Variants in LSAMP observed in about 807,000 individuals in gnomAD.
LSAMP encodes limbic system-associated membrane protein.
In LSAMP, 7 loss-of-function variants were observed where a neutral mutation model predicts 38.6. The ratio of observed to expected loss-of-function variants is 0.18; its 90% CI spans 0.10 to 0.34. LSAMP has a LOEUF of 0.34. Among genes scored for constraint, LSAMP ranks in the 10% least tolerant of loss-of-function variants. The probability of loss-of-function intolerance (pLI) is 1.00; values close to 1 mark genes in which losing one functional copy is unlikely to be tolerated. For missense variants in LSAMP, 313 were observed against 420.0 expected, an observed-to-expected ratio of 0.75 and a Z score of 2.23; for synonymous variants, 154 against 166.8, an observed-to-expected ratio of 0.92 and a Z score of 0.59.
intron 1 of LSAMP, among the ~76,000 whole-genome samples, chr3:116,349,985 A>G (rs2048115264): frequency 6.6e-6 from 1 of 152,092 alleles, no homozygotes; most frequent in Non-Finnish European, 1.5e-5. Context: ...AATGTATTAC[A>G]TTTAATTACT....
chr3:116,040,804 C>A (rs1044731447), intron 2 of LSAMP, among the ~76,000 whole-genome samples: 2 of 152,180 alleles, frequency 1.3e-5, no homozygotes, highest in Non-Finnish European at 2.9e-5. Context: ...GGCTGAAGTG[C>A]AGTGGCTCAT....
Position 116,209,911 on chromosome 3 carries a change from C to T in LSAMP, c.156-123355G>A, listed in dbSNP as rs183695224. Among the ~76,000 whole-genome samples, 301 of 152,048 alleles carry T rather than the reference C, an allele frequency of 2.0e-3. 1 individual carries two copies. The highest frequency in any genetic ancestry group is 5.4e-3 in the African/African-American group (223 of 41,432). On this transcript the variant is annotated intron_variant, in intron 1 of 6. Transcript: ENST00000490035. Reference sequence around the variant, plus strand: ...GACTACAGGCATCCGCCACCTCGCCCGGCAAAATTTTTTTTTGTATATTTA... The same window carrying T: ...GACTACAGGCATCCGCCACCTCGCCTGGCAAAATTTTTTTTTGTATATTTA...
intron 1 of LSAMP, among the ~76,000 whole-genome samples, chr3:116,426,863 G>A (rs1381541895): frequency 6.7e-6 from 1 of 150,274 alleles, no homozygotes; most frequent in Admixed American, 6.7e-5. Flanking sequence ...ATGGGGGAGT[G>A]TAATTATTAT....
At chr3:116,172,160 A>G (rs1490629299) in intron 1 of LSAMP, among the ~76,000 whole-genome samples, 12 of 151,998 alleles carry the variant, frequency 7.9e-5, no homozygotes. Context: ...CATGTCAGGT[A>G]CTGAGTAAGT....
intron 3 of LSAMP, among the ~76,000 whole-genome samples, chr3:115,931,469 G>A (rs575441500): frequency 1.3e-5 from 2 of 152,108 alleles, no homozygotes. Context: ...CAGGGGGTTG[G>A]ATCAAAGTGG....
At chr3:116,207,708 T>C (rs1322221259) in intron 1 of LSAMP, among the ~76,000 whole-genome samples, 5 of 151,530 alleles carry the variant, frequency 3.3e-5, no homozygotes, top group African/African-American at 4.8e-5. Flanking sequence ...AAAATTCTTT[T>C]CTTTAAGAAT....
At chr3:116,146,186 G>A (rs1709486362) in intron 1 of LSAMP, among the ~76,000 whole-genome samples, 1 of 151,774 alleles carries the variant, frequency 6.6e-6, no homozygotes, top group Non-Finnish European at 1.5e-5. Context: ...GACTCTTCCT[G>A]CTTTCTGATC....
chr3:115,876,296 A>C (rs1243615215), intron 3 of LSAMP, among the ~76,000 whole-genome samples: 1 of 119,750 alleles, frequency 8.4e-6, no homozygotes, highest in Non-Finnish European at 1.8e-5. Context: ...TTTTTTTTTT[A>C]AGGCTACAAA....
At chr3:116,217,371 T>C (rs2046233120) in intron 1 of LSAMP, among the ~76,000 whole-genome samples, 1 of 152,220 alleles carries the variant, frequency 6.6e-6, no homozygotes, top group Non-Finnish European at 1.5e-5. Flanking sequence ...AACATATATC[T>C]GGACTCAAAT....
intron 1 of LSAMP, among the ~76,000 whole-genome samples, chr3:116,249,620 G>A (rs189683519): frequency 5.5e-4 from 84 of 151,908 alleles, no homozygotes; most frequent in Middle Eastern, 6.8e-3. Flanking sequence ...TCCTGACCTC[G>A]TGATCCGCCC....
chr3:116,086,012 A>G (rs1707981197), intron 2 of LSAMP, among the ~76,000 whole-genome samples: 1 of 152,206 alleles, frequency 6.6e-6, no homozygotes, highest in South Asian at 2.1e-4. Context: ...GGCCCTAGGC[A>G]TTCTGTGTGT....
At chr3:116,012,692 A>T (rs1940365361) in intron 3 of LSAMP, among the ~76,000 whole-genome samples, 1 of 152,174 alleles carries the variant, frequency 6.6e-6, no homozygotes, top group Non-Finnish European at 1.5e-5. Flanking sequence ...ATTGTGCTGG[A>T]ATGAAGGATA....
intron 1 of LSAMP, among the ~76,000 whole-genome samples, chr3:116,337,990 A>C (rs536743467): frequency 6.6e-6 from 1 of 152,166 alleles, no homozygotes; most frequent in South Asian, 2.1e-4. Flanking sequence ...ACCCAAGAGG[A>C]TAGAAAGGAA....
At chr3:115,944,917 T>C (rs534542139) in intron 3 of LSAMP, among the ~76,000 whole-genome samples, 1 of 152,272 alleles carries the variant, frequency 6.6e-6, no homozygotes, top group South Asian at 2.1e-4. Context: ...ATAGTTTCTC[T>C]ATGTATATTC....
intron 1 of LSAMP, among the ~76,000 whole-genome samples, chr3:116,201,233 A>T (rs1403423970): frequency 6.6e-6 from 1 of 152,104 alleles, no homozygotes; most frequent in African/African-American, 2.4e-5. Context: ...GTTAATTGCC[A>T]TTCCTAGCAG....
At chr3:116,410,889 C>T (rs377627740) in intron 1 of LSAMP, among the ~76,000 whole-genome samples, 8 of 151,952 alleles carry the variant, frequency 5.3e-5, no homozygotes, top group South Asian at 2.1e-4. Context: ...TTTTTGCGAA[C>T]GGAGGGGTCA....
At chr3:115,990,975 A>G (rs1939650032) in intron 3 of LSAMP, among the ~76,000 whole-genome samples, 1 of 152,076 alleles carries the variant, frequency 6.6e-6, no homozygotes. Flanking sequence ...GTGCAAGGCC[A>G]ATTACTAGTA....
chr3:116,044,494 G>A (rs1941247184), intron 2 of LSAMP, among the ~76,000 whole-genome samples: 2 of 152,136 alleles, frequency 1.3e-5, no homozygotes, highest in South Asian at 2.1e-4. Flanking sequence ...ACAGAGCTGA[G>A]TGTGATGTTT....
At chr3:116,415,782 G>T (rs539423581) in intron 1 of LSAMP, among the ~76,000 whole-genome samples, 7 of 152,194 alleles carry the variant, frequency 4.6e-5, no homozygotes, top group African/African-American at 1.7e-4. Context: ...ATAGGCCCTT[G>T]CAGAAAATGC....
Sources: gnomAD v4.1 joint callset for allele counts (sites outside exome capture counted in the v4.1 genomes callset) on GRCh38, gnomAD v4.1.1 for gene constraint, MANE v1.5 for transcripts, NCBI Gene and HGNC (gene_info 2026-07-23, HGNC 2026-07-21) for gene names.